The following IL1RAPL1 variants were observed in gnomAD, a reference collection of about 807,000 sequenced individuals.
IL1RAPL1 encodes interleukin-1 receptor accessory protein-like 1.
IL1RAPL1 carries 3 observed loss-of-function variants against 48.4 expected under a neutral mutation model. The observed-to-expected ratio is 0.06, with a 90% CI of 0.03 to 0.16. The LOEUF (loss-of-function observed/expected upper bound fraction) is 0.16. Among genes scored for constraint, IL1RAPL1 ranks in the 10% least tolerant of loss-of-function variants. IL1RAPL1 has a pLI of 1.00. For synonymous variants in IL1RAPL1, 185 were observed against 187.7 expected (o/e 0.99, Z 0.12); for missense variants, 349 against 530.6 (o/e 0.66, Z 3.36).
chrX:29,001,699 A>G, intron 2 of IL1RAPL1, among the ~76,000 whole-genome samples: 1 of 111,865 alleles, frequency 8.9e-6, no homozygotes, highest in Non-Finnish European at 1.9e-5. Context: ...ATTTAAAAGA[A>G]AGAAAAAATA....
chrX:29,800,763 T>C (rs1460297789), intron 6 of IL1RAPL1, among the ~76,000 whole-genome samples: 2 of 97,981 alleles, frequency 2.0e-5, no homozygotes, highest in African/African-American at 7.6e-5. Flanking sequence ...GGTGGGCGGA[T>C]CACCTGACGT....
chrX:29,093,352 C>A (rs1209808983), intron 2 of IL1RAPL1, among the ~76,000 whole-genome samples: 1 of 110,115 alleles, frequency 9.1e-6, no homozygotes, highest in African/African-American at 3.3e-5. Flanking sequence ...TGGGAGATAC[C>A]AGTTACTTTT....
chrX:29,385,137 C>T (rs767638996), intron 3 of IL1RAPL1, among the ~76,000 whole-genome samples: 2 of 111,634 alleles, frequency 1.8e-5, no homozygotes, highest in African/African-American at 6.5e-5. Flanking sequence ...TATCTATTTC[C>T]GAAATTTTCC....
At chrX:28,858,546 T>C (rs1382114584) in intron 2 of IL1RAPL1, among the ~76,000 whole-genome samples, 1 of 112,184 alleles carries the variant, frequency 8.9e-6, no homozygotes, top group Non-Finnish European at 1.9e-5. Context: ...AGATTAAGAT[T>C]TGTGGAAGGC....
intron 1 of IL1RAPL1, among the ~76,000 whole-genome samples, chrX:28,599,251 CA>C (rs771389258): frequency 0.12 from 6,602 of 55,769 alleles, 207 homozygotes; most frequent in African/African-American, 0.17. Flanking sequence ...GACTCCATCT[CA>C]AAAAAAAAAA....
At chrX:29,229,990 A>G (rs1383431268) in intron 2 of IL1RAPL1, among the ~76,000 whole-genome samples, 2 of 112,168 alleles carry the variant, frequency 1.8e-5, no homozygotes, top group Admixed American at 9.5e-5. Context: ...GTGGCATTGA[A>G]TATAACATTG....
At position 29,310,132 on chromosome X, in the gene IL1RAPL1, AAGGAAAAAAAAAAAAAC is replaced by A. The variant is rs1569282307; in HGVS notation, c.362+26917_362+26933del. Among the ~76,000 whole-genome samples, 506 of 76,152 alleles carry A rather than the reference AAGGAAAAAAAAAAAAAC, an allele frequency of 6.6e-3. 26 individuals carry two copies. The highest frequency in any genetic ancestry group is 0.029 in the African/African-American group (480 of 16,834). The allele number at this position is 76,152 out of a possible 115,157, so 66.1% of individuals were successfully genotyped here. A position where few individuals can be genotyped will look rare whatever the true frequency, so the allele number is the denominator to read the frequency against. On this transcript the variant is annotated intron_variant, in intron 3 of 10. Transcript: ENST00000378993. ...AAAAAAAAAAAAAAAAAAAAAAAGA[AAGGAAAAAAAAAAAAAC>A]AAAAAAAGGGTAAGTCGGGAGCTTA...
intron 5 of IL1RAPL1, among the ~76,000 whole-genome samples, chrX:29,616,866 G>C (rs1049939783): frequency 9.0e-6 from 1 of 111,569 alleles, no homozygotes; most frequent in African/African-American, 3.3e-5. Context: ...TGTTATAAGG[G>C]CTTCTTTTTT....
At chrX:28,987,954 C>T (rs1258775033) in intron 2 of IL1RAPL1, among the ~76,000 whole-genome samples, 1 of 111,910 alleles carries the variant, frequency 8.9e-6, no homozygotes, top group East Asian at 2.8e-4. Context: ...GGCTATATTG[C>T]AGCAAACAAT....
chrX:28,903,399 C>T (rs1923130543), intron 2 of IL1RAPL1, among the ~76,000 whole-genome samples: 2 of 100,466 alleles, frequency 2.0e-5, no homozygotes, highest in African/African-American at 7.3e-5. Context: ...GTAGGATAAG[C>T]TTCAGTCATG....
chrX:28,928,161 G>T (rs1923794906), intron 2 of IL1RAPL1, among the ~76,000 whole-genome samples: 1 of 111,014 alleles, frequency 9.0e-6, no homozygotes, highest in African/African-American at 3.3e-5. Context: ...GATGACTAAA[G>T]TCAAATTTAT....
At chrX:29,844,506 G>A (rs1222525121) in intron 6 of IL1RAPL1, among the ~76,000 whole-genome samples, 1 of 111,155 alleles carries the variant, frequency 9.0e-6, no homozygotes, top group East Asian at 2.8e-4. Context: ...AAATACAGTC[G>A]ACCTTCAGTA....
At chrX:28,801,338 ACTT>A (rs931513180) in intron 2 of IL1RAPL1, among the ~76,000 whole-genome samples, 13 of 111,464 alleles carry the variant, frequency 1.2e-4, no homozygotes, top group South Asian at 7.5e-4. Flanking sequence ...CCAATCAAAA[ACTT>A]CTTTTTTTTT....
chrX:28,718,160 A>C (rs1377567955), intron 1 of IL1RAPL1, among the ~76,000 whole-genome samples: 1 of 111,528 alleles, frequency 9.0e-6, no homozygotes, highest in African/African-American at 3.2e-5. Flanking sequence ...TTGAGCATCT[A>C]CTATATGCCT....
At chrX:29,257,437 A>T (rs753446514) in intron 2 of IL1RAPL1, among the ~76,000 whole-genome samples, 1 of 111,841 alleles carries the variant, frequency 8.9e-6, no homozygotes, top group South Asian at 3.7e-4. Context: ...AACTTAAACG[A>T]TGTAGATAAA....
At chrX:29,888,510 C>T (rs1932213648) in intron 6 of IL1RAPL1, among the ~76,000 whole-genome samples, 1 of 111,092 alleles carries the variant, frequency 9.0e-6, no homozygotes, top group Admixed American at 9.6e-5. Flanking sequence ...AGATGTAAGC[C>T]ACCATGTCTG....
Position 29,260,824 on chromosome X carries a change from G to A in IL1RAPL1, c.83-22114G>A, listed in dbSNP as rs113163478. 7.6e-3 allele frequency among the ~76,000 whole-genome samples: 828 copies of A among 108,783 alleles called. 7 individuals carry two copies. Among genetic ancestry groups the A allele is most frequent in the African/African-American group, 0.026 (788 of 30,069 alleles). The allele number at this position is 108,783 out of a possible 115,157, so 94.5% of individuals were successfully genotyped here. Reference sequence around the variant, plus strand: ...TTGCTTGATTGATCAATTGGCTTCCGGTATCATAACTTGCATTCTCATCCC... The same window carrying A: ...TTGCTTGATTGATCAATTGGCTTCCAGTATCATAACTTGCATTCTCATCCC... On this transcript the variant is annotated intron_variant, in intron 2 of 10. Transcript: ENST00000378993.
At chrX:29,671,511 G>A (rs1186157218) in intron 6 of IL1RAPL1, among the ~76,000 whole-genome samples, 1 of 112,206 alleles carries the variant, frequency 8.9e-6, no homozygotes. Context: ...GCAACTGTAT[G>A]TTATTTCTAA....
intron 6 of IL1RAPL1, among the ~76,000 whole-genome samples, chrX:29,870,147 A>C (rs1380409372): frequency 8.9e-6 from 1 of 112,712 alleles, no homozygotes; most frequent in East Asian, 2.8e-4. Flanking sequence ...ATAAAACATC[A>C]TTCAGAGTCA....
Sources: allele counts gnomAD v4.1 joint callset (sites outside exome capture counted in the v4.1 genomes callset), GRCh38; gene constraint gnomAD v4.1.1; transcripts MANE v1.5; gene names NCBI Gene and HGNC (gene_info 2026-07-23, HGNC 2026-07-21).